Variants in LNX2 observed in about 807,000 individuals in gnomAD.
LNX2 encodes the protein ligand of numb-protein X 2.
In LNX2, 35 loss-of-function variants were observed where a neutral mutation model predicts 66.2. The observed-to-expected ratio is 0.53, with a 90% CI of 0.40 to 0.70. The LOEUF is 0.70. Among genes scored for constraint, LNX2 ranks in the 30% least tolerant of loss-of-function variants. LNX2 has a pLI of 0.00. For missense variants in LNX2, 791 were observed against 850.8 expected (o/e 0.93, Z 0.87); for synonymous variants, 337 against 315.6 (o/e 1.07, Z -0.72).
chr13:27,553,094 A>T, intron 8 of LNX2, 114 bp downstream of exon 8: 1 of 799,188 alleles, frequency 1.3e-6, no homozygotes, highest in Non-Finnish European at 2.0e-6. Flanking sequence ...TTGCTATTTT[A>T]CTGAATTAAA....
chr13:27,583,261 C>CGCGCGCGCGCGCGCGTGT lies in LNX2; in HGVS notation c.-100-1459_-100-1458insACACGCGCGCGCGCGCGC, dbSNP rs11281345. ...GTGTGTGTGTGTGTGTGTGTGCGCGCGTCCTCTCCAACATACTTATTTTTA... is the reference window on the plus strand; with the variant it reads ...GTGTGTGTGTGTGTGTGTGTGCGCGCGCGCGCGCGCGCGCGTGTGTCCTCTCCAACATACTTATTTTTA... On this transcript the variant is annotated intron_variant, in intron 1 of 9. Transcript: ENST00000316334. 1.1e-4 allele frequency among the ~76,000 whole-genome samples: 5 copies of CGCGCGCGCGCGCGCGTGT among 45,480 alleles called. 2 individuals are homozygous for CGCGCGCGCGCGCGCGTGT. Among genetic ancestry groups the CGCGCGCGCGCGCGCGTGT allele is most frequent in the African/African-American group, 2.5e-4 (3 of 11,766 alleles). The allele number at this position is 45,480 out of a possible 152,430, so 29.8% of individuals were successfully genotyped here.
rs1955026825 is a variant in LNX2 at position 27,553,380 on chromosome 13, C to G, written c.1606G>C (p.Val536Leu). Residue 536 changes from valine to leucine, a missense_variant, in exon 8 of 10, where the codon GTT (valine) becomes CTT (leucine). Val to Leu is a conservative substitution (Grantham distance 32). Coordinates refer to ENST00000316334, the MANE Select transcript of LNX2 (RefSeq NM_153371.4). ...DLTNLSHSEA[V>L]AMLKASAASP... is the part of the protein sequence containing the mutation. ...GCGGCACTGGCTTTCAGCATTGCAA[C>G]TGCCTCACTGTGACTTAAATTGGTC... 3 of 1,614,192 alleles carry G rather than the reference C, an allele frequency of 1.9e-6. No individual in the cohort carries two copies. Among genetic ancestry groups the G allele is most frequent in the Middle Eastern group, 1.7e-4 (1 of 6,060 alleles).
At chr13:27,570,305 A>G (rs180857304) in intron 2 of LNX2, among the ~76,000 whole-genome samples, 1 of 152,338 alleles carries the variant, frequency 6.6e-6, no homozygotes, top group African/African-American at 2.4e-5. Flanking sequence ...AGGGTTGCAG[A>G]CCTTCATTCA....
intron 5 of LNX2, among the ~76,000 whole-genome samples, chr13:27,561,946 A>T (rs546900980): frequency 5.3e-5 from 8 of 152,340 alleles, no homozygotes; most frequent in African/African-American, 1.9e-4. Flanking sequence ...TATTTTAAAC[A>T]CTGTGAATTC....
intron 1 of LNX2, among the ~76,000 whole-genome samples, chr13:27,601,922 T>G (rs981816137): frequency 3.9e-5 from 6 of 152,178 alleles, no homozygotes; most frequent in Non-Finnish European, 8.8e-5. Flanking sequence ...GGTAAACACT[T>G]GTACTTTACA....
At chr13:27,568,308 C>T (rs1396615110) in intron 3 of LNX2, among the ~76,000 whole-genome samples, 2 of 152,018 alleles carry the variant, frequency 1.3e-5, no homozygotes, top group Non-Finnish European at 2.9e-5. Context: ...CGCATAGTTG[C>T]GGCAAGGAAA....
chr13:27,603,096 G>C (rs970876217), intron 1 of LNX2, among the ~76,000 whole-genome samples: 2 of 152,050 alleles, frequency 1.3e-5, no homozygotes, highest in Non-Finnish European at 2.9e-5. Context: ...TATTAGCATT[G>C]TTGCTTAGGA....
chr13:27,578,688 G>C (rs1223271476), intron 2 of LNX2, among the ~76,000 whole-genome samples: 1 of 152,160 alleles, frequency 6.6e-6, no homozygotes, highest in African/African-American at 2.4e-5. Flanking sequence ...AAGGCTACCT[G>C]TAGCCTCTCC....
intron 1 of LNX2, among the ~76,000 whole-genome samples, chr13:27,607,743 A>G (rs1955732859): frequency 6.6e-6 from 1 of 152,180 alleles, no homozygotes; most frequent in Non-Finnish European, 1.5e-5. Context: ...AGTTTTCACT[A>G]TTTAACCATT....
At chr13:27,577,231 A>C (rs1336169653) in intron 2 of LNX2, among the ~76,000 whole-genome samples, 2 of 152,186 alleles carry the variant, frequency 1.3e-5, no homozygotes, top group Non-Finnish European at 2.9e-5. Context: ...TTCATTTCTA[A>C]GAGTTCTTTA....
At chr13:27,551,608 T>A (rs1049212182) in intron 8 of LNX2, among the ~76,000 whole-genome samples, 2 of 151,102 alleles carry the variant, frequency 1.3e-5, no homozygotes, top group Non-Finnish European at 1.5e-5. Context: ...CATAATAAAA[T>A]AATAAATATA....
chr13:27,571,846 C>T (rs7330269), intron 2 of LNX2, among the ~76,000 whole-genome samples: 86,457 of 152,014 alleles, frequency 0.57, 25,066 homozygotes, highest in African/African-American at 0.67. Context: ...AAAAACTCAA[C>T]ATTTGTGGAG....
chr13:27,596,184 A>G (rs1317966393), intron 1 of LNX2, among the ~76,000 whole-genome samples: 1 of 152,222 alleles, frequency 6.6e-6, no homozygotes, highest in African/African-American at 2.4e-5. Context: ...ACAGATGAAC[A>G]GTATAGCCTA....
At chr13:27,587,242 T>C (rs565556787) in intron 1 of LNX2, among the ~76,000 whole-genome samples, 161 of 152,076 alleles carry the variant, frequency 1.1e-3, no homozygotes, top group African/African-American at 3.8e-3. Flanking sequence ...TCCTTCTCAT[T>C]CCTTAGCTTC....
chr13:27,611,367 T>C (rs1955771292), intron 1 of LNX2, among the ~76,000 whole-genome samples: 1 of 152,204 alleles, frequency 6.6e-6, no homozygotes, highest in Admixed American at 6.5e-5. Flanking sequence ...AGACATATAT[T>C]GTATGATTTC....
chr13:27,615,507 T>C lies in LNX2; in HGVS notation c.-101+4868A>G, dbSNP rs182617343. Among the ~76,000 whole-genome samples, 485 of 152,216 alleles carry C rather than the reference T, an allele frequency of 3.2e-3. 5 individuals are homozygous for C. The highest frequency in any genetic ancestry group is 3.7e-3 in the Non-Finnish European group (251 of 68,008). ...AATCATTGGCCATTGGTGATCAGCT[T>C]ACCCTTCAGCTCCTCTGCCCTCCCT... On this transcript the variant is annotated intron_variant, in intron 1 of 9. Coordinates refer to ENST00000316334, the MANE Select transcript of LNX2 (RefSeq NM_153371.4).
intron 6 of LNX2, among the ~76,000 whole-genome samples, chr13:27,557,238 C>T (rs1212368322): frequency 1.3e-5 from 2 of 152,002 alleles, no homozygotes; most frequent in Non-Finnish European, 2.9e-5. Flanking sequence ...ATTTAACCTT[C>T]ACAAAAGTCC....
At chr13:27,553,121 C>A in intron 8 of LNX2, 87 bp downstream of exon 8, 2 of 1,076,626 alleles carry the variant, frequency 1.9e-6, no homozygotes, top group South Asian at 3.0e-5. Flanking sequence ...TTTTTTATCC[C>A]AACGAGTAAA....
At chr13:27,602,652 C>G (rs1955671272) in intron 1 of LNX2, among the ~76,000 whole-genome samples, 1 of 152,136 alleles carries the variant, frequency 6.6e-6, no homozygotes, top group South Asian at 2.1e-4. Context: ...ACAAGAACTT[C>G]TATGAACCTA....
Sources: gnomAD v4.1 joint callset for allele counts (sites outside exome capture counted in the v4.1 genomes callset) on GRCh38, gnomAD v4.1.1 for gene constraint, MANE v1.5 for transcripts, NCBI Gene and HGNC (gene_info 2026-07-23, HGNC 2026-07-21) for gene names.